Variants in DAB1 observed in about 807,000 individuals in gnomAD.
DAB1 encodes DAB adaptor protein 1.
Under a neutral mutation model 64.6 loss-of-function variants are expected in DAB1, and 15 were observed. That is an observed-to-expected ratio of 0.23 (90% CI 0.16 to 0.36). The LOEUF (loss-of-function observed/expected upper bound fraction) is 0.36. DAB1 is among the 10% of genes least tolerant of loss of function. The pLI is 1.00. For synonymous variants in DAB1, 235 were observed against 251.9 expected (o/e 0.93, Z 0.64); for missense variants, 596 against 706.7 (o/e 0.84, Z 1.78).
At chr1:57,500,988 C>T (rs1644283650) in intron 7 of DAB1, among the ~76,000 whole-genome samples, 2 of 152,168 alleles carry the variant, frequency 1.3e-5, no homozygotes, top group Non-Finnish European at 2.9e-5. Context: ...ATGTTCATTG[C>T]AGCATAAGGT....
chr1:57,963,255 T>C (rs977702560), intron 5 of DAB1, among the ~76,000 whole-genome samples: 11 of 152,240 alleles, frequency 7.2e-5, no homozygotes, highest in African/African-American at 2.7e-4. Flanking sequence ...AGACCATGAC[T>C]AATGCCATGA....
chr1:57,796,302 C>A (rs888690543), intron 6 of DAB1, among the ~76,000 whole-genome samples: 1 of 151,866 alleles, frequency 6.6e-6, no homozygotes, highest in Admixed American at 6.6e-5. Context: ...CCGAGGCAGG[C>A]GGATCACAAG....
intron 3 of DAB1, among the ~76,000 whole-genome samples, chr1:58,499,978 A>T (rs1017743460): frequency 2.0e-5 from 3 of 152,148 alleles, no homozygotes; most frequent in African/African-American, 7.2e-5. Context: ...AAAAAAATGG[A>T]CAAAAATTAA....
At chr1:58,460,054 G>A (rs1645228335) in intron 3 of DAB1, among the ~76,000 whole-genome samples, 1 of 152,236 alleles carries the variant, frequency 6.6e-6, no homozygotes, top group Admixed American at 6.5e-5. Context: ...CATCTTGAAA[G>A]GAAGAGTACT....
At chr1:57,203,555 A>T (rs1665282080) in intron 2 of DAB1, among the ~76,000 whole-genome samples, 1 of 152,178 alleles carries the variant, frequency 6.6e-6, no homozygotes. Flanking sequence ...AGCCAACTGA[A>T]AGCCCACCTG....
intron 4 of DAB1, among the ~76,000 whole-genome samples, chr1:58,317,564 C>T (rs750035780): frequency 1.3e-5 from 2 of 152,192 alleles, no homozygotes; most frequent in African/African-American, 2.4e-5. Context: ...AACATTGGTG[C>T]CCCCCTGGCT....
chr1:58,194,395 T>C (rs1657555715), intron 4 of DAB1, among the ~76,000 whole-genome samples: 1 of 152,234 alleles, frequency 6.6e-6, no homozygotes, highest in Non-Finnish European at 1.5e-5. Flanking sequence ...CATACCTGGC[T>C]CAATAAATGT....
intron 6 of DAB1, among the ~76,000 whole-genome samples, chr1:57,694,481 C>G (rs928719583): frequency 6.6e-6 from 1 of 152,072 alleles, no homozygotes; most frequent in Non-Finnish European, 1.5e-5. Flanking sequence ...CAATTGACAA[C>G]TTGATAAGCA....
chr1:57,175,431 G>A (rs1246646566), intron 2 of DAB1, among the ~76,000 whole-genome samples: 1 of 151,774 alleles, frequency 6.6e-6, no homozygotes, highest in Non-Finnish European at 1.5e-5. Flanking sequence ...AGGAACTCTG[G>A]GGGAGCCTTC....
At chr1:57,247,663 C>T (rs1324203206) in intron 2 of DAB1, among the ~76,000 whole-genome samples, 3 of 152,212 alleles carry the variant, frequency 2.0e-5, no homozygotes, top group Non-Finnish European at 4.4e-5. Context: ...CTCTGTGGTA[C>T]ACAACTAGCC....
At chr1:58,333,623 A>G (rs1479316631) in intron 4 of DAB1, among the ~76,000 whole-genome samples, 1 of 152,248 alleles carries the variant, frequency 6.6e-6, no homozygotes, top group Non-Finnish European at 1.5e-5. Flanking sequence ...AGAGAAAAAG[A>G]TCTTCTGAAC....
chr1:57,665,849 C>CTCTG (rs748074939), intron 6 of DAB1, among the ~76,000 whole-genome samples: 2,743 of 137,196 alleles, frequency 0.02, 36 homozygotes, highest in Admixed American at 0.045. Context: ...TTTTAATTAT[C>CTCTG]TGTGTGTGTG....
intron 3 of DAB1, among the ~76,000 whole-genome samples, chr1:58,369,872 G>A (rs537169111): frequency 1.3e-5 from 2 of 152,098 alleles, no homozygotes; most frequent in Non-Finnish European, 2.9e-5. Flanking sequence ...TAAGAATATT[G>A]TAATAAATAG....
At chr1:58,345,412 G>A (rs1643985278) in intron 3 of DAB1, among the ~76,000 whole-genome samples, 1 of 152,188 alleles carries the variant, frequency 6.6e-6, no homozygotes, top group African/African-American at 2.4e-5. Context: ...CTACATCAAA[G>A]TGGAAACATT....
At chr1:58,159,860 C>T (rs1655426978) in intron 4 of DAB1, among the ~76,000 whole-genome samples, 1 of 152,152 alleles carries the variant, frequency 6.6e-6, no homozygotes, top group Non-Finnish European at 1.5e-5. Context: ...TGTCCATGAA[C>T]ACAGCTGGTG....
chr1:57,192,037 G>A (rs1006565886), intron 2 of DAB1, among the ~76,000 whole-genome samples: 1 of 152,050 alleles, frequency 6.6e-6, no homozygotes, highest in Non-Finnish European at 1.5e-5. Flanking sequence ...TGTGGCTAAG[G>A]CTGGGCACGA....
chr1:58,038,987 T>C lies in DAB1; in HGVS notation n.387+111524A>G, dbSNP rs1001873441. 1.4e-4 allele frequency among the ~76,000 whole-genome samples: 21 copies of C among 152,114 alleles called. 1 individual carries two copies. The highest frequency in any genetic ancestry group is 1.2e-3 in the Admixed American group (18 of 15,272). On this transcript the variant is annotated intron_variant and non_coding_transcript_variant, in intron 5 of 20. Transcript: ENST00000485760. Reference sequence around the variant, plus strand: ...GCCATCCCACCCTCCTTGCCTTCCCTAGGGAGCCTCCACAGCCCACTCTGC... The same window carrying C: ...GCCATCCCACCCTCCTTGCCTTCCCCAGGGAGCCTCCACAGCCCACTCTGC...
chr1:57,628,615 T>C (rs1467842878), intron 7 of DAB1, among the ~76,000 whole-genome samples: 4 of 7,790 alleles, frequency 5.1e-4, no homozygotes, highest in African/African-American at 5.6e-4. Context: ...ATAAAATATC[T>C]AACCTCTTTG....
chr1:57,984,179 T>TA lies in DAB1; in HGVS notation n.388-100018dup, dbSNP rs769375614. 2.6e-3 allele frequency among the ~76,000 whole-genome samples: 90 copies of TA among 34,288 alleles called. 5 individuals are homozygous for TA. Among genetic ancestry groups the TA allele is most frequent in the South Asian group, 0.022 (18 of 820 alleles). 22.5% of individuals were successfully genotyped at this position (34,288 alleles called of 152,430 possible). A position where few individuals can be genotyped will look rare whatever the true frequency, so the allele number is the denominator to read the frequency against. The stretch of plus-strand genomic sequence containing the variant: ...AGGATTTCAGGGCCCAGGACTAGCT[T>TA]AAAAAAAAGAAAGAAAGAAAGAAAG... On this transcript the variant is annotated intron_variant and non_coding_transcript_variant, in intron 5 of 20. Coordinates refer to the DAB1 transcript ENST00000485760.
Sources: gnomAD v4.1 joint callset for allele counts (sites outside exome capture counted in the v4.1 genomes callset) on GRCh38, gnomAD v4.1.1 for gene constraint, MANE v1.5 for transcripts, NCBI Gene and HGNC (gene_info 2026-07-23, HGNC 2026-07-21) for gene names.